Variants in PALLD observed in about 807,000 individuals in gnomAD.
PALLD encodes palladin.
Under a neutral mutation model 123.5 loss-of-function variants are expected in PALLD, and 61 were observed. The observed-to-expected ratio is 0.49, with a 90% CI of 0.40 to 0.61. The LOEUF (loss-of-function observed/expected upper bound fraction) is 0.61, where lower values mean the gene tolerates loss of function less well. Among genes scored for constraint, PALLD ranks in the 20% least tolerant of loss-of-function variants. PALLD has a pLI of 0.00. For synonymous variants in PALLD, 465 were observed against 496.4 expected (o/e 0.94, Z 0.84); for missense variants, 1,273 against 1,377.0 (o/e 0.92, Z 1.20).
chr4:168,783,076 GTGTGTGTGTA>G (rs67746544), intron 10 of PALLD, among the ~76,000 whole-genome samples: 7,663 of 141,314 alleles, frequency 0.054, 272 homozygotes, highest in Middle Eastern at 0.085. Context: ...GTGTGTGTGT[GTGTGTGTGTA>G]TAGTACTGTT....
chr4:168,748,953 A>G (rs1016911784), intron 10 of PALLD, among the ~76,000 whole-genome samples: 1 of 152,192 alleles, frequency 6.6e-6, no homozygotes, highest in African/African-American at 2.4e-5. Context: ...GTGACCTTCC[A>G]TCACCTTTAC....
Position 168,921,628 on chromosome 4 carries a change from G to A in PALLD, c.2945G>A (p.Gly982Glu). The change falls in exon 18 of 22, where the codon GGG (glycine) becomes GAG (glutamate). Residue 982 changes from glycine to glutamate, a missense_variant. By Grantham distance (98) the Gly-to-Glu change is moderately conservative (BLOSUM62 -2). This residue lies in a region of PALLD where 329 missense variants were observed against 422.5 expected (regional missense o/e 0.78). Transcript: ENST00000505667. The stretch of plus-strand genomic sequence containing the variant: ...CACAAGATGCTGGTGCGTGAGAACG[G>A]GGTGCACTCTCTGATCATAGAGCCA... The part of the protein sequence containing the change: ...SAHKMLVREN[G>E]VHSLIIEPVT... 8 of 1,610,982 alleles carry A rather than the reference G, an allele frequency of 5.0e-6. No individual in the cohort carries two copies. Among genetic ancestry groups the A allele is most frequent in the Non-Finnish European group, 6.8e-6 (8 of 1,179,592 alleles).
chr4:168,767,318 C>T (rs2150478933), intron 10 of PALLD, among the ~76,000 whole-genome samples: 1 of 152,320 alleles, frequency 6.6e-6, no homozygotes, highest in South Asian at 2.1e-4. Context: ...TCTCCAGCCA[C>T]TTCTCCCCTG....
rs1468178401 is a variant in PALLD at position 168,869,793 on chromosome 4, A to G, written c.1965-21129A>G. On this transcript the variant is annotated intron_variant, in intron 10 of 21. Transcript: ENST00000505667. This position sits in a 1 kb window ranked among gnomAD's most constrained non-coding sequence, Gnocchi z 4.5. ...ATGGAAGTGGATAGTGGAATTCAGG[A>G]CTGAGGGCTGGGTTAGAGAGATCAG... Among the ~76,000 whole-genome samples the G allele has an allele frequency of 6.6e-6, 1 of 152,132 alleles. No individual in the cohort carries two copies.
chr4:168,667,921 A>G (rs1779812900), intron 2 of PALLD, among the ~76,000 whole-genome samples: 1 of 152,242 alleles, frequency 6.6e-6, no homozygotes, highest in East Asian at 1.9e-4. Flanking sequence ...TTCCTTTTAT[A>G]ACTGAAATGG....
intron 10 of PALLD, among the ~76,000 whole-genome samples, chr4:168,723,978 T>C (rs770377270): frequency 1.3e-4 from 19 of 148,678 alleles, no homozygotes; most frequent in Admixed American, 7.4e-4. Flanking sequence ...CTGCAACCTC[T>C]GCCTGCGAGG....
chr4:168,897,725 T>C (rs1215323054), intron 13 of PALLD, among the ~76,000 whole-genome samples: 2 of 152,078 alleles, frequency 1.3e-5, no homozygotes, highest in African/African-American at 2.4e-5. Context: ...GTGTTGGGAA[T>C]TACAGGCATG....
At chr4:168,631,455 G>T (rs1364307465) in intron 2 of PALLD, among the ~76,000 whole-genome samples, 2 of 152,244 alleles carry the variant, frequency 1.3e-5, no homozygotes, top group African/African-American at 4.8e-5. Flanking sequence ...CCGCCCCTGG[G>T]CAACGCAAAA....
Position 168,507,960 on chromosome 4 carries a change from C to T in PALLD, c.-82-3463C>T, listed in dbSNP as rs1029350106. Among the ~76,000 whole-genome samples, 48 of 152,192 alleles carry T rather than the reference C, an allele frequency of 3.2e-4. 1 individual carries two copies. Among genetic ancestry groups the T allele is most frequent in the East Asian group, 9.6e-4 (5 of 5,204 alleles). On this transcript the variant is annotated intron_variant, in intron 1 of 21. Transcript: ENST00000505667. ...TTTGCCAGTATCCTCTTCACCTCCCCGCTCTTCCTCATCCCTCACACATCA... is the reference window on the plus strand; with the variant it reads ...TTTGCCAGTATCCTCTTCACCTCCCTGCTCTTCCTCATCCCTCACACATCA...
intron 7 of PALLD, 135 bp from the exon 8 acceptor site, chr4:168,691,134 A>G (rs1440528007): frequency 4.3e-6 from 3 of 697,474 alleles, no homozygotes; most frequent in Non-Finnish European, 7.8e-6. Flanking sequence ...CTTTTGTATG[A>G]TGGAGTTTGA....
chr4:168,899,641 G>C (rs938205227), intron 14 of PALLD, among the ~76,000 whole-genome samples: 4 of 152,182 alleles, frequency 2.6e-5, no homozygotes, highest in Non-Finnish European at 5.9e-5. Flanking sequence ...TATTGGCCAA[G>C]CATGGTGGCT....
At chr4:168,548,687 G>A (rs1480938381) in intron 2 of PALLD, among the ~76,000 whole-genome samples, 2 of 152,176 alleles carry the variant, frequency 1.3e-5, no homozygotes, top group Non-Finnish European at 2.9e-5. Context: ...AAGCTCTGGG[G>A]AAGAGCATCC....
intron 18 of PALLD, among the ~76,000 whole-genome samples, chr4:168,923,401 A>G (rs1761969206): frequency 6.6e-6 from 1 of 152,234 alleles, no homozygotes; most frequent in Non-Finnish European, 1.5e-5. Context: ...TAGTGGTGGA[A>G]AAGGAATGCA....
At chr4:168,711,241 G>A (rs968856112) in intron 9 of PALLD, among the ~76,000 whole-genome samples, 33 of 152,220 alleles carry the variant, frequency 2.2e-4, no homozygotes, top group African/African-American at 7.7e-4. Flanking sequence ...GGACCAAAAC[G>A]TGAGAGGACA....
chr4:168,920,096 GAAC>G (rs770412297), intron 17 of PALLD, among the ~76,000 whole-genome samples: 3 of 152,238 alleles, frequency 2.0e-5, no homozygotes, highest in Admixed American at 6.5e-5. Context: ...CTAGATGTGG[GAAC>G]AACAAGGAGC....
chr4:168,599,122 G>T (rs1772288787), intron 2 of PALLD, among the ~76,000 whole-genome samples: 1 of 152,092 alleles, frequency 6.6e-6, no homozygotes, highest in African/African-American at 2.4e-5. Flanking sequence ...ACTCCATGTG[G>T]CAAGTAAGGG....
intron 10 of PALLD, among the ~76,000 whole-genome samples, chr4:168,725,448 A>C (rs1255371557): frequency 6.6e-6 from 1 of 151,740 alleles, no homozygotes; most frequent in Non-Finnish European, 1.5e-5. Flanking sequence ...AAACAAAAAA[A>C]CCCTAAAAGA....
At chr4:168,748,494 T>C (rs558411059) in intron 10 of PALLD, among the ~76,000 whole-genome samples, 3 of 152,358 alleles carry the variant, frequency 2.0e-5, no homozygotes, top group East Asian at 3.9e-4. Flanking sequence ...ATTCGTTTCC[T>C]ATTCTGTATA....
At chr4:168,744,042 G>C (rs1788614979) in intron 10 of PALLD, among the ~76,000 whole-genome samples, 1 of 152,154 alleles carries the variant, frequency 6.6e-6, no homozygotes, top group Admixed American at 6.5e-5. Context: ...CCCTGGAAAA[G>C]GGGTCGGGGG....
Sources: allele counts gnomAD v4.1 joint callset (sites outside exome capture counted in the v4.1 genomes callset), GRCh38; gene constraint gnomAD v4.1.1; regional missense constraint gnomAD v4.1.1; non-coding constraint Gnocchi (gnomAD v3.1); transcripts MANE v1.5; gene names NCBI Gene and HGNC (gene_info 2026-07-23, HGNC 2026-07-21).